The following PRRC2B variants were observed in gnomAD, a reference collection of about 807,000 sequenced individuals.
The protein encoded by PRRC2B is protein PRRC2B.
Under a neutral mutation model 242.3 loss-of-function variants are expected in PRRC2B, and 68 were observed. The observed-to-expected ratio is 0.28, with a 90% CI of 0.23 to 0.34. The LOEUF is 0.34. PRRC2B is among the 10% of genes least tolerant of loss of function. The probability of loss-of-function intolerance (pLI) is 1.00; values close to 1 mark genes in which losing one functional copy is unlikely to be tolerated. For missense variants in PRRC2B, 2,835 were observed against 2,954.8 expected, an observed-to-expected ratio of 0.96 and a Z score of 0.94; for synonymous variants, 1,228 against 1,173.6, an observed-to-expected ratio of 1.05 and a Z score of -0.95.
In PRRC2B at chr9:131,465,081, A is replaced by G. The variant is rs1943353510; in HGVS notation, c.1720+3A>G. On this transcript the variant is annotated splice_donor_region_variant and intron_variant, in intron 12 of 31. Transcript: ENST00000683519. ...AAACGGCCCTGCTGTCCACAAAGGT[A>G]AGAGCTGGGCCGTCTTCCCACCAAC... The G allele has an allele frequency of 6.2e-7, 1 of 1,607,958 alleles. No individual in the cohort carries two copies. Among genetic ancestry groups the G allele is most frequent in the Non-Finnish European group, 8.5e-7 (1 of 1,175,736 alleles).
In PRRC2B at chr9:131,474,992, AAGG is replaced by A; in HGVS notation, c.2866_2868del (p.Glu956del). The A allele has an allele frequency of 6.2e-7, 1 of 1,600,572 alleles. No individual in the cohort carries two copies. ...CCTGAAAGCCCTCAAGGTGGAAGAC[AAGG>A]AGAAGGAGCTTGAGAAGATTAAGCA... On this transcript the variant is annotated inframe_deletion, in exon 16 of 32. Transcript: ENST00000683519.
rs765789361 is a variant in PRRC2B, at chr9:131,447,686, TCGCCCACTC to T, written c.1011_1019del (p.Pro339_Arg341del). 10 of 1,609,906 alleles carry T rather than the reference TCGCCCACTC, an allele frequency of 6.2e-6. No individual in the cohort carries two copies. Among genetic ancestry groups the T allele is most frequent in the Admixed American group, 1.7e-5 (1 of 59,600 alleles). On this transcript the variant is annotated inframe_deletion, in exon 9 of 32. Coordinates refer to ENST00000683519, the MANE Select transcript of PRRC2B (RefSeq NM_013318.4). ...GAAAAGAAAACAGGCTGGGATTGTCTCGCCCACTCCGCCCACTAAGGCAGCTGGTGGAGC... is the reference window on the plus strand; with the variant it reads ...GAAAAGAAAACAGGCTGGGATTGTCTCGCCCACTAAGGCAGCTGGTGGAGC...
chr9:131,374,851 A>G (rs1836664066), intron 1 of PRRC2B, among the ~76,000 whole-genome samples: 1 of 152,034 alleles, frequency 6.6e-6, no homozygotes, highest in South Asian at 2.1e-4. Context: ...GATAACAGAT[A>G]AATGTAAATA....
At chr9:131,374,827 G>C (rs910227411) in intron 1 of PRRC2B, among the ~76,000 whole-genome samples, 10 of 151,832 alleles carry the variant, frequency 6.6e-5, no homozygotes, top group Non-Finnish European at 1.0e-4. Context: ...ATGCCCAGCC[G>C]ATTTTTTTTT....
chr9:131,478,642 G>GGGGGGGGGGGGCC, intron 18 of PRRC2B, 23 bp downstream of exon 18: 9 of 481,980 alleles, frequency 1.9e-5, no homozygotes, highest in East Asian at 5.2e-5. Context: ...GGGTGGGGGG[G>GGGGGGGGGGGGCC]CATGGGGCTG....
Position 131,487,449 on chromosome 9 carries a change from G to A in PRRC2B, c.5984+155G>A, listed in dbSNP as rs549033489. 2.6e-5 allele frequency among the ~76,000 whole-genome samples: 4 copies of A among 152,318 alleles called. No individual in the cohort carries two copies. Among genetic ancestry groups the A allele is most frequent in the African/African-American group, 7.2e-5 (3 of 41,570 alleles). On this transcript the variant is annotated intron_variant, in intron 27 of 31. Transcript: ENST00000683519. This position sits in a 1 kb window ranked among gnomAD's most constrained non-coding sequence, Gnocchi z 5.3. ...TTTGCTCTGAATCACTCTTCAGTCCGTTGTTAACTGTGCTCTAGGAGAGGC... is the reference window on the plus strand; with the variant it reads ...TTTGCTCTGAATCACTCTTCAGTCCATTGTTAACTGTGCTCTAGGAGAGGC...
chr9:131,485,289 C>A, intron 25 of PRRC2B, 149 bp downstream of exon 25: 1 of 670,980 alleles, frequency 1.5e-6, no homozygotes, highest in Admixed American at 2.9e-5. Flanking sequence ...GTCGTAGCTC[C>A]CATGTGCTGC....
In PRRC2B at chr9:131,439,070, G is replaced by A. The variant is rs886941316; in HGVS notation, c.469+9G>A. On this transcript the variant is annotated intron_variant, in intron 5 of 31. Coordinates refer to ENST00000683519, the MANE Select transcript of PRRC2B (RefSeq NM_013318.4). Reference sequence around the variant, plus strand: ...AGTAGGACACGAAGGTGGTAAGTGCGCACGTGTGTGTGTTGTTTGGGGACG... The same window carrying A: ...AGTAGGACACGAAGGTGGTAAGTGCACACGTGTGTGTGTTGTTTGGGGACG... The A allele has an allele frequency of 5.0e-6, 8 of 1,612,406 alleles. No homozygotes were observed. The highest frequency in any genetic ancestry group is 1.1e-5 in the South Asian group (1 of 90,882).
intron 3 of PRRC2B, among the ~76,000 whole-genome samples, chr9:131,436,112 T>C (rs1415715942): frequency 1.3e-5 from 2 of 152,248 alleles, no homozygotes; most frequent in African/African-American, 4.8e-5. Flanking sequence ...TGATTGAATT[T>C]CCCTATTGGC....
intron 16 of PRRC2B, among the ~76,000 whole-genome samples, chr9:131,476,736 C>T (rs1319731211): frequency 1.3e-5 from 2 of 150,314 alleles, no homozygotes; most frequent in African/African-American, 2.4e-5. Context: ...GCTCCCACCC[C>T]CACCCCCACC....
chr9:131,431,503 G>A (rs1838169879), intron 2 of PRRC2B, among the ~76,000 whole-genome samples: 1 of 152,032 alleles, frequency 6.6e-6, no homozygotes, highest in Non-Finnish European at 1.5e-5. Flanking sequence ...GACCTTAGGT[G>A]ATCCACCCAC....
chr9:131,444,039 C>G, intron 5 of PRRC2B, 146 bp from the exon 6 acceptor site: 1 of 835,670 alleles, frequency 1.2e-6, no homozygotes, highest in Non-Finnish European at 1.9e-6. Context: ...ACCCTCGTGG[C>G]ATCTGCCAGC....
At chr9:131,486,293 C>A in intron 26 of PRRC2B, 111 bp downstream of exon 26, 2 of 894,834 alleles carry the variant, frequency 2.2e-6, no homozygotes, top group Non-Finnish European at 3.4e-6. Flanking sequence ...TTCCATCCCC[C>A]TCACATGTGG....
intron 29 of PRRC2B, 96 bp from the exon 30 acceptor site, chr9:131,492,073 G>A (rs1224772132): frequency 7.5e-6 from 7 of 939,162 alleles, no homozygotes; most frequent in Non-Finnish European, 1.7e-6. Context: ...AATTCCCATG[G>A]CCCTCACCAC....
chr9:131,408,094 G>A (rs1404934368), intron 1 of PRRC2B, among the ~76,000 whole-genome samples: 1 of 152,210 alleles, frequency 6.6e-6, no homozygotes, highest in Non-Finnish European at 1.5e-5. Context: ...CACAGCTAGA[G>A]GGGGTGGGAA....
At chr9:131,448,099 C>G in intron 9 of PRRC2B, 1 of 274,136 alleles carries the variant, frequency 3.6e-6, no homozygotes, top group Non-Finnish European at 6.8e-6. Flanking sequence ...AAATAGCTCC[C>G]AACCACTGAT....
At chr9:131,491,053 G>C (rs1161201648) in intron 28 of PRRC2B, 2 of 238,948 alleles carry the variant, frequency 8.4e-6, no homozygotes, top group Non-Finnish European at 1.6e-5. Flanking sequence ...TTGGCACCTT[G>C]TATGCTTTCA....
intron 12 of PRRC2B, among the ~76,000 whole-genome samples, 185 bp from the exon 13 acceptor site, chr9:131,467,376 CAT>C (rs1943427096): frequency 6.6e-6 from 1 of 152,212 alleles, no homozygotes; most frequent in Non-Finnish European, 1.5e-5. Flanking sequence ...AGCCTCCTCA[CAT>C]GTGTTGTGGG....
intron 10 of PRRC2B, 117 bp from the exon 11 acceptor site, chr9:131,459,047 C>A: frequency 1.2e-6 from 1 of 844,568 alleles, no homozygotes; most frequent in South Asian, 1.6e-5. Flanking sequence ...GTGGTCCATT[C>A]TAATGAAGAA....
Sources: gnomAD v4.1 joint callset for allele counts (sites outside exome capture counted in the v4.1 genomes callset) on GRCh38, gnomAD v4.1.1 for gene constraint, Gnocchi (gnomAD v3.1) non-coding constraint, MANE v1.5 for transcripts, NCBI Gene and HGNC (gene_info 2026-07-23, HGNC 2026-07-21) for gene names.